DIPK1A: variants seen among roughly 807,000 people sequenced by gnomAD.
DIPK1A encodes the protein family with sequence similarity 69 member A.
A neutral mutation model predicts 40.8 loss-of-function variants in DIPK1A; 27 were observed. The ratio of observed to expected loss-of-function variants is 0.66; its 90% CI spans 0.49 to 0.91. The LOEUF is 0.91. DIPK1A is among the 40% of genes least tolerant of loss of function. The probability of loss-of-function intolerance (pLI) is 0.00; values close to 1 mark genes in which losing one functional copy is unlikely to be tolerated. For synonymous variants in DIPK1A, 166 were observed against 171.3 expected (o/e 0.97, Z 0.24); for missense variants, 412 against 505.7 (o/e 0.81, Z 1.78).
In DIPK1A at chr1:92,857,619, G is replaced by A. The variant is rs184019850; in HGVS notation, c.190-6664C>T. On this transcript the variant is annotated intron_variant, in intron 2 of 4. Coordinates refer to ENST00000370310, the MANE Select transcript of DIPK1A (RefSeq NM_001006605.5). ...ATTACAGGAGTGAGCCACCGTGCCC[G>A]GCTGTCATATTGTTTTTTATATGCC... 9.2e-5 allele frequency among the ~76,000 whole-genome samples: 14 copies of A among 152,134 alleles called. No individual in the cohort carries two copies. The East Asian group carries it at 9.7e-4, about 11-fold the overall frequency.
intron 1 of DIPK1A, among the ~76,000 whole-genome samples, chr1:92,897,784 TTTG>T (rs1469566739): frequency 6.6e-6 from 1 of 152,062 alleles, no homozygotes; most frequent in African/African-American, 2.4e-5. Flanking sequence ...GGTGTATTAA[TTTG>T]TTTTGTGTCA....
At chr1:92,923,692 C>A (rs1287001005) in intron 1 of DIPK1A, among the ~76,000 whole-genome samples, 1 of 152,066 alleles carries the variant, frequency 6.6e-6, no homozygotes, top group Non-Finnish European at 1.5e-5. Flanking sequence ...GTATATGAAC[C>A]ACCACTGGCC....
chr1:92,861,086 G>A (rs190217969), intron 2 of DIPK1A, among the ~76,000 whole-genome samples: 1 of 151,998 alleles, frequency 6.6e-6, no homozygotes, highest in African/African-American at 2.4e-5. Flanking sequence ...AGGATATTCA[G>A]TAATATGTGG....
chr1:92,834,646 C>G, intron 4 of DIPK1A: 1 of 1,206,302 alleles, frequency 8.3e-7, no homozygotes, highest in East Asian at 2.4e-5. Context: ...GGTAACCCAG[C>G]TAAGAGTCTT....
At chr1:92,851,214 C>G (rs1318891267) in intron 2 of DIPK1A, among the ~76,000 whole-genome samples, 2 of 152,036 alleles carry the variant, frequency 1.3e-5, no homozygotes, top group African/African-American at 4.8e-5. Context: ...GTTACCTACT[C>G]CTTCCAAGAA....
chr1:92,851,269 C>A (rs960538872), intron 2 of DIPK1A, among the ~76,000 whole-genome samples: 2 of 152,044 alleles, frequency 1.3e-5, no homozygotes, highest in Admixed American at 6.6e-5. Context: ...TTAGGCCAGG[C>A]ACCGTGGCTC....
At chr1:92,877,326 AG>A (rs1648175802) in intron 1 of DIPK1A, among the ~76,000 whole-genome samples, 1 of 152,240 alleles carries the variant, frequency 6.6e-6, no homozygotes, top group Admixed American at 6.5e-5. Flanking sequence ...AGCAGAACTG[AG>A]GACTACGAAG....
At chr1:92,833,676 G>C (rs745785928) in intron 4 of DIPK1A, 1 of 1,588,582 alleles carries the variant, frequency 6.3e-7, no homozygotes, top group Non-Finnish European at 8.6e-7. Context: ...TTGTATTCTA[G>C]ACAGTCCCCT....
chr1:92,945,247 G>A (rs977163664), intron 1 of DIPK1A, among the ~76,000 whole-genome samples: 10 of 151,954 alleles, frequency 6.6e-5, no homozygotes, highest in Admixed American at 2.0e-4. Flanking sequence ...GATAAAGGAA[G>A]ATGGTGCCAG....
Position 92,842,311 on chromosome 1 carries a change from C to T in DIPK1A, c.*1072G>A. The T allele has an allele frequency of 1.0e-6, 1 of 986,260 alleles. No individual in the cohort carries two copies. The highest frequency in any genetic ancestry group is 1.2e-6 in the Non-Finnish European group (1 of 830,526). 61.1% of individuals were successfully genotyped at this position (986,260 alleles called of 1,614,324 possible). ...TGGTCACATAGATTTTTAACATGTT[C>T]CACTTTAGGTAGGCGAAACCTTTGA... On this transcript the variant is annotated 3_prime_UTR_variant, in exon 5 of 5. Transcript: ENST00000370310.
chr1:92,922,383 G>T (rs150488021), intron 1 of DIPK1A, among the ~76,000 whole-genome samples: 1 of 148,012 alleles, frequency 6.8e-6, no homozygotes, highest in Non-Finnish European at 1.5e-5. Flanking sequence ...TGAACTTCTG[G>T]ATCTTGTGGT....
At chr1:92,922,755 C>A (rs372850342) in intron 1 of DIPK1A, among the ~76,000 whole-genome samples, 1 of 152,078 alleles carries the variant, frequency 6.6e-6, no homozygotes, top group South Asian at 2.1e-4. Context: ...TATTTTGAAC[C>A]CTGGCATACA....
downstream of DIPK1A, among the ~76,000 whole-genome samples, chr1:92,838,101 C>T (rs1687197590): frequency 6.6e-6 from 1 of 152,200 alleles, no homozygotes. Flanking sequence ...GCTGGGCTTA[C>T]AGATGAGAGC....
At position 92,875,914 on chromosome 1, in the gene DIPK1A, A is replaced by G. The variant is rs374418465; in HGVS notation, c.189+382T>C. ...ATAATCCTTTTAGATAAATTTTGGT[A>G]TTCAAGAGTAAAAGATGTGTTCTAG... On this transcript the variant is annotated intron_variant, in intron 2 of 4. Coordinates refer to ENST00000370310, the MANE Select transcript of DIPK1A (RefSeq NM_001006605.5). 4.1e-4 allele frequency among the ~76,000 whole-genome samples: 63 copies of G among 151,908 alleles called. 1 individual carries two copies. In the East Asian group the frequency reaches 0.01, roughly 24 times the overall value.
chr1:92,902,940 C>T (rs141921518), intron 1 of DIPK1A, among the ~76,000 whole-genome samples: 50 of 152,246 alleles, frequency 3.3e-4, no homozygotes, highest in African/African-American at 1.2e-3. Flanking sequence ...TCACTTGGAG[C>T]GTGCCTGAGT....
intron 1 of DIPK1A, among the ~76,000 whole-genome samples, chr1:92,956,112 G>A (rs904914989): frequency 2.6e-5 from 4 of 152,184 alleles, no homozygotes; most frequent in Middle Eastern, 3.4e-3. Flanking sequence ...GTCAGGACAA[G>A]GGGTATATGG....
At position 92,954,144 on chromosome 1, in the gene DIPK1A, T is replaced by C. The variant is rs532864497; in HGVS notation, c.54+7232A>G. Among the ~76,000 whole-genome samples the C allele has an allele frequency of 2.0e-3, 310 of 152,060 alleles. 1 individual carries two copies. The highest frequency in any genetic ancestry group is 7.2e-3 in the African/African-American group (299 of 41,504). ...TAGATTAAAAAGTTTTAAAGGAAAA[T>C]TATTTGCAAATGATTTGAACATCTA... On this transcript the variant is annotated intron_variant, in intron 1 of 4. Coordinates refer to ENST00000370310, the MANE Select transcript of DIPK1A (RefSeq NM_001006605.5).
chr1:92,837,266 G>C, downstream of DIPK1A: 1 of 768,180 alleles, frequency 1.3e-6, no homozygotes, highest in East Asian at 2.5e-5. Flanking sequence ...TTTCTTTTCT[G>C]TCCTGGAATT....
At chr1:92,958,974 C>T (rs1447489037) in intron 1 of DIPK1A, among the ~76,000 whole-genome samples, 1 of 152,118 alleles carries the variant, frequency 6.6e-6, no homozygotes, top group Non-Finnish European at 1.5e-5. Context: ...TGATGTGATG[C>T]CTGAGGTTTA....
Sources: gnomAD v4.1 joint callset for allele counts (sites outside exome capture counted in the v4.1 genomes callset) on GRCh38, gnomAD v4.1.1 for gene constraint, MANE v1.5 for transcripts, NCBI Gene and HGNC (gene_info 2026-07-23, HGNC 2026-07-21) for gene names.